Variants in ZFAT observed in about 807,000 individuals in gnomAD.
The protein encoded by ZFAT is zinc finger protein ZFAT.
ZFAT carries 64 observed loss-of-function variants against 117.7 expected under a neutral mutation model. The observed-to-expected ratio is 0.54, with a 90% CI of 0.44 to 0.67. The LOEUF (loss-of-function observed/expected upper bound fraction) is 0.67. Ranked by LOEUF, ZFAT falls within the 30% of genes least tolerant of loss-of-function variation. The pLI, the probability that ZFAT is intolerant of heterozygous loss-of-function variation, is 0.00. For synonymous variants in ZFAT, 679 were observed against 615.0 expected (o/e 1.10, Z -1.54); for missense variants, 1,433 against 1,584.5 (o/e 0.90, Z 1.62).
chr8:134,517,244 T>A (rs934331430), intron 13 of ZFAT, among the ~76,000 whole-genome samples: 3 of 152,178 alleles, frequency 2.0e-5, no homozygotes, highest in African/African-American at 7.2e-5. Context: ...GTTTAAGACT[T>A]GCTTTTTAAG....
At chr8:134,556,073 AAGGG>A (rs1327440790) in intron 11 of ZFAT, among the ~76,000 whole-genome samples, 44 of 109,738 alleles carry the variant, frequency 4.0e-4, no homozygotes, top group Non-Finnish European at 6.1e-4. Context: ...GGAAGGAAGG[AAGGG>A]AAGGAAGGGA....
chr8:134,583,232 A>G (rs1196204483), intron 10 of ZFAT, among the ~76,000 whole-genome samples: 1 of 152,106 alleles, frequency 6.6e-6, no homozygotes, highest in East Asian at 1.9e-4. Flanking sequence ...AACTCCTTGA[A>G]CGCAGGAACT....
At chr8:134,671,084 C>A (rs1350436517) in intron 1 of ZFAT, among the ~76,000 whole-genome samples, 4 of 152,178 alleles carry the variant, frequency 2.6e-5, no homozygotes, top group African/African-American at 9.7e-5. Flanking sequence ...AGACCAATAA[C>A]AGGCTCTGAA....
intron 15 of ZFAT, among the ~76,000 whole-genome samples, chr8:134,491,278 C>T (rs183182679): frequency 4.0e-4 from 61 of 152,360 alleles, no homozygotes; most frequent in African/African-American, 1.4e-3. Context: ...CCGGCATCAG[C>T]GATGCTGCTC....
chr8:134,609,834 T>C (rs1219522528), intron 4 of ZFAT, among the ~76,000 whole-genome samples: 1 of 152,198 alleles, frequency 6.6e-6, no homozygotes, highest in Non-Finnish European at 1.5e-5. Flanking sequence ...ATTTCTAGTA[T>C]TATATTTGGT....
intron 7 of ZFAT, among the ~76,000 whole-genome samples, chr8:134,592,281 A>C (rs72719772): frequency 0.15 from 23,229 of 152,242 alleles, 2,131 homozygotes; most frequent in Admixed American, 0.25. Context: ...AAGAGCTATC[A>C]CTTCTTAAGA....
chr8:134,796,898 A>C, the ZFAT span: 5 of 152,212 alleles, frequency 3.3e-5, no homozygotes, highest in Non-Finnish European at 7.3e-5. Flanking sequence ...CATCCATGTA[A>C]CATAGTCTTC....
chr8:134,811,150 A>G, the ZFAT span, among the ~76,000 whole-genome samples: 1 of 152,224 alleles, frequency 6.6e-6, no homozygotes, highest in Non-Finnish European at 1.5e-5. Flanking sequence ...AATGAGTATA[A>G]AATTATTAAT....
intron 2 of ZFAT, among the ~76,000 whole-genome samples, chr8:134,656,036 C>T (rs1208547144): frequency 6.6e-6 from 1 of 152,218 alleles, no homozygotes; most frequent in African/African-American, 2.4e-5. Flanking sequence ...TGAAGCTATA[C>T]TCTTCAGAAA....
chr8:134,488,041 AAG>A (rs1817775573), intron 15 of ZFAT, among the ~76,000 whole-genome samples: 1 of 152,204 alleles, frequency 6.6e-6, no homozygotes, highest in African/African-American at 2.4e-5. Context: ...CCACAGGAAT[AAG>A]AGAGAGTTAG....
intron 10 of ZFAT, among the ~76,000 whole-genome samples, chr8:134,569,706 G>T (rs1234941149): frequency 2.0e-5 from 3 of 152,104 alleles, no homozygotes; most frequent in African/African-American, 7.2e-5. Context: ...CCCCCTGAAG[G>T]ATGAGGCTGC....
the ZFAT span, among the ~76,000 whole-genome samples, chr8:134,818,670 A>G: frequency 1.1e-4 from 16 of 152,354 alleles, no homozygotes; most frequent in African/African-American, 3.8e-4. Flanking sequence ...CTTTACTTTA[A>G]AAGTCAAACA....
chr8:134,712,859 T>A lies in ZFAT; in HGVS notation c.5A>T (p.Glu2Val), dbSNP rs1454265667. The A allele has an allele frequency of 7.1e-7, 1 of 1,399,246 alleles. No individual in the cohort carries two copies. The highest frequency in any genetic ancestry group is 2.5e-5 in the Admixed American group (1 of 40,038). 86.7% of individuals were successfully genotyped at this position (1,399,246 alleles called of 1,614,324 possible). The change falls in exon 1 of 16, where the codon GAG becomes GTG. Residue 2 changes from glutamate to valine, a missense_variant. By Grantham distance (121) the Glu-to-Val change is moderately radical. This residue lies in a region of ZFAT where 436 missense variants were observed against 482.0 expected (regional missense o/e 0.90). Coordinates refer to ENST00000377838, the MANE Select transcript of ZFAT (RefSeq NM_020863.4). M[E>V]TRAAENTAIF... ...GCCCGGCTCACCTGCCGCCCGCGTCTCCATGGCAACGCCCCACCGCGGAGG... is the reference window on the plus strand; with the variant it reads ...GCCCGGCTCACCTGCCGCCCGCGTCACCATGGCAACGCCCCACCGCGGAGG...
At chr8:134,677,904 A>G (rs1462267314) in intron 1 of ZFAT, among the ~76,000 whole-genome samples, 1 of 152,214 alleles carries the variant, frequency 6.6e-6, no homozygotes, top group Admixed American at 6.5e-5. Flanking sequence ...ACAGCCCTTC[A>G]TGCTAAAAAC....
chr8:134,817,948 T>C, the ZFAT span, among the ~76,000 whole-genome samples: 1 of 152,112 alleles, frequency 6.6e-6, no homozygotes, highest in Non-Finnish European at 1.5e-5. Context: ...CAACAAATGG[T>C]GTCTTAAGAA....
At position 134,509,721 on chromosome 8, in the gene ZFAT, G is replaced by A; in HGVS notation, c.3390C>T (p.Asn1130=). 6.2e-7 allele frequency: 1 copy of A among 1,610,890 alleles called. No individual in the cohort carries two copies. Among genetic ancestry groups the A allele is most frequent in the South Asian group, 1.1e-5 (1 of 90,950 alleles). The stretch of plus-strand genomic sequence containing the variant: ...CCAGCTCAATGATCTGCTGCAGGAT[G>A]TTCACGGCCGTGGGGTCCAGTCGGT... ...SGDRLDPTAV[N]ILQQIIELGA... The change falls in exon 15 of 16, where the codon AAC becomes AAT. Residue 1130 remains asparagine (N), a synonymous_variant. Coordinates refer to ENST00000377838, the MANE Select transcript of ZFAT (RefSeq NM_020863.4).
the ZFAT span, among the ~76,000 whole-genome samples, chr8:134,726,500 T>C: frequency 6.6e-6 from 1 of 152,060 alleles, no homozygotes; most frequent in African/African-American, 2.4e-5. Context: ...ACGCCACCAA[T>C]TTGCCTCTTA....
intron 10 of ZFAT, among the ~76,000 whole-genome samples, chr8:134,579,139 C>T (rs1586744349): frequency 6.6e-6 from 1 of 152,178 alleles, no homozygotes; most frequent in Admixed American, 6.5e-5. Flanking sequence ...GCACGCTAAG[C>T]TTGGGGGGCC....
chr8:134,641,402 CCAAT>C (rs1830572925), intron 2 of ZFAT, among the ~76,000 whole-genome samples: 1 of 152,180 alleles, frequency 6.6e-6, no homozygotes, highest in Admixed American at 6.5e-5. Context: ...TCCTTCACTA[CCAAT>C]CAGAGACCAA....
Sources: gnomAD v4.1 joint callset for allele counts (sites outside exome capture counted in the v4.1 genomes callset) on GRCh38, gnomAD v4.1.1 for gene constraint, gnomAD v4.1.1 regional missense constraint, MANE v1.5 for transcripts, NCBI Gene and HGNC (gene_info 2026-07-23, HGNC 2026-07-21) for gene names.